Variants in CACNA2D3 observed in about 807,000 individuals in gnomAD.
CACNA2D3 encodes the protein calcium voltage-gated channel auxiliary subunit alpha2delta 3.
CACNA2D3 carries 60 observed loss-of-function variants against 160.6 expected under a neutral mutation model. That is an observed-to-expected ratio of 0.37 (90% CI 0.30 to 0.46). The LOEUF (loss-of-function observed/expected upper bound fraction) is 0.46, where lower values mean the gene tolerates loss of function less well. CACNA2D3 is among the 20% of genes least tolerant of loss of function. The pLI, the probability that CACNA2D3 is intolerant of heterozygous loss-of-function variation, is 1.00. For synonymous variants in CACNA2D3, 558 were observed against 492.9 expected (o/e 1.13, Z -1.75); for missense variants, 1,205 against 1,365.0 (o/e 0.88, Z 1.85).
chr3:54,609,129 T>C (rs56008232), intron 9 of CACNA2D3, among the ~76,000 whole-genome samples: 40,000 of 151,924 alleles, frequency 0.26, 5,722 homozygotes, highest in African/African-American at 0.36. Flanking sequence ...GTCATAAGGG[T>C]GTGGCTGTGA....
At chr3:54,633,575 C>G (rs923761394) in intron 10 of CACNA2D3, 3 of 149,792 alleles carry the variant, frequency 2.0e-5, no homozygotes, top group Non-Finnish European at 4.5e-5. Context: ...GATTGAATTC[C>G]AGGTTCCTCA....
intron 2 of CACNA2D3, among the ~76,000 whole-genome samples, chr3:54,277,133 G>C (rs558178615): frequency 3.6e-4 from 55 of 152,318 alleles, no homozygotes; most frequent in African/African-American, 1.3e-3. Context: ...CCCACACGCT[G>C]CCCTGCAGGA....
chr3:54,483,197 CTT>C (rs1173345293), intron 4 of CACNA2D3, among the ~76,000 whole-genome samples: 2 of 152,138 alleles, frequency 1.3e-5, no homozygotes, highest in African/African-American at 4.8e-5. Flanking sequence ...TAAATTTGCA[CTT>C]TTTGTATGCA....
At chr3:54,775,113 G>A (rs530695140) in intron 13 of CACNA2D3, among the ~76,000 whole-genome samples, 2 of 152,276 alleles carry the variant, frequency 1.3e-5, no homozygotes, top group Non-Finnish European at 2.9e-5. Flanking sequence ...GCCTGTTTGA[G>A]TCACAGCCAA....
intron 2 of CACNA2D3, among the ~76,000 whole-genome samples, chr3:54,249,430 CA>C (rs1360179563): frequency 1.2e-4 from 19 of 152,030 alleles, no homozygotes; most frequent in African/African-American, 4.4e-4. Flanking sequence ...ACTTCTCCAG[CA>C]GACTGTCTTT....
intron 2 of CACNA2D3, among the ~76,000 whole-genome samples, chr3:54,250,008 A>G (rs112664730): frequency 2.0e-5 from 3 of 152,306 alleles, no homozygotes; most frequent in African/African-American, 7.2e-5. Context: ...TCCCCAGAGA[A>G]CACTGTTTTT....
chr3:54,557,636 C>T (rs893874814), intron 5 of CACNA2D3, among the ~76,000 whole-genome samples: 4 of 152,170 alleles, frequency 2.6e-5, no homozygotes, highest in Non-Finnish European at 5.9e-5. Flanking sequence ...TGGAGGCAAG[C>T]ACCATGGATT....
Position 54,618,352 on chromosome 3 carries a change from C to CATACATACATATAT in CACNA2D3, c.964-9432_964-9431insCATACATATATATA, listed in dbSNP as rs56316245. On this transcript the variant is annotated intron_variant, in intron 9 of 37. Coordinates refer to ENST00000474759, the MANE Select transcript of CACNA2D3 (RefSeq NM_018398.3). The stretch of plus-strand genomic sequence containing the variant: ...AAGTTCAAATTGATGTTGATACATA[C>CATACATACATATAT]ATATATATATATATATATATATGCA... Among the ~76,000 whole-genome samples the CATACATACATATAT allele has an allele frequency of 1.7e-3, 208 of 119,888 alleles. 2 individuals are homozygous for CATACATACATATAT. The highest frequency in any genetic ancestry group is 5.0e-3 in the East Asian group (22 of 4,398). The allele number at this position is 119,888 out of a possible 152,430, so 78.7% of individuals were successfully genotyped here.
chr3:54,794,137 A>G (rs1403542119), intron 13 of CACNA2D3, among the ~76,000 whole-genome samples: 1 of 152,108 alleles, frequency 6.6e-6, no homozygotes, highest in East Asian at 1.9e-4. Flanking sequence ...GCATGTATCT[A>G]TATATTATGT....
intron 3 of CACNA2D3, among the ~76,000 whole-genome samples, chr3:54,322,229 A>G (rs1443636233): frequency 1.3e-5 from 2 of 152,236 alleles, no homozygotes; most frequent in Non-Finnish European, 2.9e-5. Context: ...GGGCTCTGAA[A>G]GTAGTGGAAC....
At chr3:54,822,546 C>G (rs555118304) in intron 14 of CACNA2D3, among the ~76,000 whole-genome samples, 30 of 152,134 alleles carry the variant, frequency 2.0e-4, no homozygotes, top group Non-Finnish European at 3.8e-4. Flanking sequence ...ATGGCCCTAT[C>G]CAACTTTGCA....
Position 54,777,153 on chromosome 3 carries a change from C to T in CACNA2D3, c.1380+12802C>T, listed in dbSNP as rs79415652. ...CCATGTGAAAGATTTCATTCTTTCA[C>T]CTTTACTCCAAAAGAATCGATGTGC... On this transcript the variant is annotated intron_variant, in intron 13 of 37. Coordinates refer to ENST00000474759, the MANE Select transcript of CACNA2D3 (RefSeq NM_018398.3). Among the ~76,000 whole-genome samples the T allele has an allele frequency of 3.4e-3, 525 of 152,256 alleles. 2 individuals are homozygous for T. Among genetic ancestry groups the T allele is most frequent in the African/African-American group, 0.012 (500 of 41,554 alleles).
intron 31 of CACNA2D3, among the ~76,000 whole-genome samples, chr3:54,996,700 G>C (rs1484080109): frequency 6.6e-6 from 1 of 152,202 alleles, no homozygotes; most frequent in Non-Finnish European, 1.5e-5. Flanking sequence ...AGTCAAGGAA[G>C]TACCCCTGAA....
chr3:54,889,256 G>T (rs1344852850), intron 24 of CACNA2D3, among the ~76,000 whole-genome samples: 1 of 152,182 alleles, frequency 6.6e-6, no homozygotes, highest in Non-Finnish European at 1.5e-5. Flanking sequence ...ATCACTGAAG[G>T]ATTTTAAGAA....
chr3:54,956,851 G>T (rs1424574094), intron 27 of CACNA2D3, among the ~76,000 whole-genome samples: 3 of 151,922 alleles, frequency 2.0e-5, no homozygotes, highest in Non-Finnish European at 4.4e-5. Flanking sequence ...TTATCTGACA[G>T]AAAAGAACAC....
intron 11 of CACNA2D3, among the ~76,000 whole-genome samples, chr3:54,687,768 A>G (rs1002345198): frequency 6.6e-6 from 1 of 152,158 alleles, no homozygotes; most frequent in Non-Finnish European, 1.5e-5. Context: ...ATCTGGCTGA[A>G]TTTGATTTTC....
intron 29 of CACNA2D3, among the ~76,000 whole-genome samples, chr3:54,983,883 A>G (rs1298590468): frequency 6.6e-6 from 1 of 152,234 alleles, no homozygotes; most frequent in East Asian, 1.9e-4. Context: ...CAGCACTGTA[A>G]TTAAAACTTA....
chr3:54,328,799 TCTC>T (rs1704177029), intron 3 of CACNA2D3, among the ~76,000 whole-genome samples: 2 of 152,000 alleles, frequency 1.3e-5, no homozygotes. Context: ...GCCCTCCCCT[TCTC>T]CTCCCTTTCT....
intron 16 of CACNA2D3, among the ~76,000 whole-genome samples, chr3:54,838,977 G>A (rs1698754896): frequency 6.6e-6 from 1 of 152,206 alleles, no homozygotes; most frequent in Non-Finnish European, 1.5e-5. Flanking sequence ...GATAGTCCAG[G>A]CCGGGCGTGG....
Sources: allele counts gnomAD v4.1 joint callset (sites outside exome capture counted in the v4.1 genomes callset), GRCh38; gene constraint gnomAD v4.1.1; transcripts MANE v1.5; gene names NCBI Gene and HGNC (gene_info 2026-07-23, HGNC 2026-07-21).